The following NOS1AP variants were observed in gnomAD, a reference collection of about 807,000 sequenced individuals.
NOS1AP encodes carboxyl-terminal PDZ ligand of neuronal nitric oxide synthase protein.
Under a neutral mutation model 56.2 loss-of-function variants are expected in NOS1AP, and 21 were observed. The observed-to-expected ratio is 0.37, with a 90% CI of 0.26 to 0.54. NOS1AP has a LOEUF of 0.54. Among genes scored for constraint, NOS1AP ranks in the 20% least tolerant of loss-of-function variants. The pLI is 0.84. For synonymous variants in NOS1AP, 270 were observed against 274.6 expected (o/e 0.98, Z 0.17); for missense variants, 522 against 657.8 (o/e 0.79, Z 2.26).
At chr1:162,254,366 C>T (rs1653958890) in intron 2 of NOS1AP, among the ~76,000 whole-genome samples, 1 of 152,168 alleles carries the variant, frequency 6.6e-6, no homozygotes, top group Non-Finnish European at 1.5e-5. Context: ...CTGACATGAA[C>T]CATTGTGGGT....
At chr1:162,152,505 C>T (rs72715961) in intron 1 of NOS1AP, among the ~76,000 whole-genome samples, 2,440 of 152,308 alleles carry the variant, frequency 0.016, 20 homozygotes, top group Non-Finnish European at 0.022. Context: ...GTCTTGTTGA[C>T]AGACTGTACC....
chr1:162,124,590 T>C (rs1648397027), intron 1 of NOS1AP, among the ~76,000 whole-genome samples: 1 of 152,084 alleles, frequency 6.6e-6, no homozygotes, highest in Non-Finnish European at 1.5e-5. Context: ...TGGCACGATC[T>C]TGGCTCACTG....
intron 5 of NOS1AP, among the ~76,000 whole-genome samples, chr1:162,336,979 T>C (rs543603937): frequency 9.2e-5 from 14 of 152,204 alleles, no homozygotes; most frequent in Admixed American, 3.3e-4. Context: ...GCTAATAACA[T>C]GGGCATTCCT....
chr1:162,204,448 CCT>C (rs1557831993), intron 2 of NOS1AP, among the ~76,000 whole-genome samples: 1 of 152,126 alleles, frequency 6.6e-6, no homozygotes, highest in Non-Finnish European at 1.5e-5. Flanking sequence ...ATTTTTGTTG[CCT>C]CTGTGTGGGC....
At chr1:162,350,822 A>G (rs573421066) in intron 6 of NOS1AP, among the ~76,000 whole-genome samples, 183 of 151,720 alleles carry the variant, frequency 1.2e-3, no homozygotes, top group African/African-American at 4.2e-3. Flanking sequence ...CTTCCCCGCA[A>G]TTCCTGGTAA....
intron 1 of NOS1AP, among the ~76,000 whole-genome samples, chr1:162,114,485 A>G (rs1236354418): frequency 6.6e-6 from 1 of 152,182 alleles, no homozygotes; most frequent in Non-Finnish European, 1.5e-5. Context: ...AAAGCCAGCT[A>G]ATTATGGGCC....
At chr1:162,112,930 A>G (rs1439668556) in intron 1 of NOS1AP, among the ~76,000 whole-genome samples, 1 of 152,212 alleles carries the variant, frequency 6.6e-6, no homozygotes, top group Non-Finnish European at 1.5e-5. Flanking sequence ...TGCAATAAAA[A>G]GATATGGGAA....
chr1:162,237,244 A>G (rs1557843751), intron 2 of NOS1AP, among the ~76,000 whole-genome samples: 1 of 152,236 alleles, frequency 6.6e-6, no homozygotes, highest in Non-Finnish European at 1.5e-5. Context: ...CAAAGGGCCA[A>G]AGACTGTGCT....
chr1:162,236,834 G>A (rs1235826381), intron 2 of NOS1AP, among the ~76,000 whole-genome samples: 1 of 152,178 alleles, frequency 6.6e-6, no homozygotes, highest in East Asian at 1.9e-4. Flanking sequence ...TCTGCATGCA[G>A]GCTGTACTTC....
chr1:162,088,208 G>A (rs980830339), intron 1 of NOS1AP, among the ~76,000 whole-genome samples: 1 of 152,070 alleles, frequency 6.6e-6, no homozygotes, highest in Admixed American at 6.6e-5. Context: ...CTTAAAAGCC[G>A]GCATTGTTGC....
At chr1:162,365,091 TAC>T in intron 8 of NOS1AP, 25 of 1,336,176 alleles carry the variant, frequency 1.9e-5, no homozygotes, top group East Asian at 1.6e-4. Flanking sequence ...CGTGTGTGTG[TAC>T]GTGTGTGTGT....
At chr1:162,284,125 A>C (rs143971843) in intron 2 of NOS1AP, among the ~76,000 whole-genome samples, 11 of 152,270 alleles carry the variant, frequency 7.2e-5, no homozygotes, top group African/African-American at 2.6e-4. Context: ...TCTCTTCTCC[A>C]TTCTTGTGGT....
At chr1:162,186,546 C>T (rs907289796) in intron 2 of NOS1AP, among the ~76,000 whole-genome samples, 1 of 152,128 alleles carries the variant, frequency 6.6e-6, no homozygotes, top group African/African-American at 2.4e-5. Flanking sequence ...GAAACTCTAA[C>T]CCCCAATGGG....
chr1:162,131,061 TC>T (rs1300164243), intron 1 of NOS1AP, among the ~76,000 whole-genome samples: 1 of 152,140 alleles, frequency 6.6e-6, no homozygotes, highest in African/African-American at 2.4e-5. Flanking sequence ...TGGAGGAGTT[TC>T]CCCTTCAAAC....
At chr1:162,167,687 G>T (rs775588860) in intron 2 of NOS1AP, among the ~76,000 whole-genome samples, 1 of 152,184 alleles carries the variant, frequency 6.6e-6, no homozygotes. Context: ...CTCCCGAGCC[G>T]CTAAGACATA....
intron 2 of NOS1AP, among the ~76,000 whole-genome samples, chr1:162,286,389 AG>A (rs1655089872): frequency 6.6e-6 from 1 of 152,202 alleles, no homozygotes; most frequent in Non-Finnish European, 1.5e-5. Flanking sequence ...TCTGTAGCCC[AG>A]ATGTTTGATT....
intron 2 of NOS1AP, among the ~76,000 whole-genome samples, chr1:162,211,262 A>T (rs1206158671): frequency 6.6e-6 from 1 of 152,238 alleles, no homozygotes; most frequent in Non-Finnish European, 1.5e-5. Context: ...GGAAAGTCCA[A>T]GACCAAGGTG....
intron 1 of NOS1AP, among the ~76,000 whole-genome samples, chr1:162,121,769 C>T (rs1458807142): frequency 6.6e-6 from 1 of 152,116 alleles, no homozygotes; most frequent in Admixed American, 6.5e-5. Context: ...AAAAGGACTC[C>T]GGCTTCTCTA....
chr1:162,218,457 G>C (rs915241582), intron 2 of NOS1AP, among the ~76,000 whole-genome samples: 2 of 152,094 alleles, frequency 1.3e-5, no homozygotes, highest in Non-Finnish European at 2.9e-5. Context: ...TCGCAGTAAG[G>C]GTTTTATAAT....
Sources: gnomAD v4.1 joint callset for allele counts (sites outside exome capture counted in the v4.1 genomes callset) on GRCh38, gnomAD v4.1.1 for gene constraint, MANE v1.5 for transcripts, NCBI Gene and HGNC (gene_info 2026-07-23, HGNC 2026-07-21) for gene names.